The following TTBK2 variants were observed in gnomAD, a reference collection of about 807,000 sequenced individuals.
TTBK2 encodes the protein tau-tubulin kinase 2.
In TTBK2, 28 loss-of-function variants were observed where a neutral mutation model predicts 110.8. The ratio of observed to expected loss-of-function variants is 0.25; its 90% CI spans 0.19 to 0.35. The LOEUF (loss-of-function observed/expected upper bound fraction) is 0.35. Ranked by LOEUF, TTBK2 falls within the 10% of genes least tolerant of loss-of-function variation. The pLI, the probability that TTBK2 is intolerant of heterozygous loss-of-function variation, is 1.00. For missense variants in TTBK2, 1,369 were observed against 1,500.3 expected, an observed-to-expected ratio of 0.91 and a Z score of 1.45; for synonymous variants, 532 against 527.3, an observed-to-expected ratio of 1.01 and a Z score of -0.12.
At chr15:42,747,659 G>A (rs1457493220) in intron 14 of TTBK2, among the ~76,000 whole-genome samples, 2 of 152,202 alleles carry the variant, frequency 1.3e-5, no homozygotes, top group African/African-American at 2.4e-5. Flanking sequence ...GCCTCCTGCC[G>A]TGCAGCCCTG....
Position 42,775,309 on chromosome 15 carries a change from A to G in TTBK2, c.1824T>C (p.His608=). 1 of 1,614,194 alleles carries G rather than the reference A, an allele frequency of 6.2e-7. No individual in the cohort carries two copies. The highest frequency in any genetic ancestry group is 8.5e-7 in the Non-Finnish European group (1 of 1,180,044). Residue 608 remains histidine, a synonymous_variant, in exon 13 of 15, where the codon CAT becomes CAC. Transcript: ENST00000267890. ...CCACACCTGAGGTTTCCTTCTTTAA[A>G]TGATCATTTTCTGCCCAAGGACCTA... ...LQLGPWAEND[H]LKKETSGVVL... is the part of the protein sequence containing the mutation.
At chr15:42,807,485 C>T (rs774426047) in intron 9 of TTBK2, among the ~76,000 whole-genome samples, 1 of 152,120 alleles carries the variant, frequency 6.6e-6, no homozygotes, top group Non-Finnish European at 1.5e-5. Context: ...ACAATTATGG[C>T]TCACTGCAGC....
At chr15:42,901,768 G>A (rs938649530) in intron 1 of TTBK2, among the ~76,000 whole-genome samples, 2 of 151,966 alleles carry the variant, frequency 1.3e-5, no homozygotes, top group African/African-American at 4.8e-5. Flanking sequence ...AGTACATAAA[G>A]AACTCCTAAA....
intron 7 of TTBK2, 80 bp from the exon 8 acceptor site, chr15:42,811,860 G>T: frequency 2.3e-6 from 3 of 1,294,750 alleles, no homozygotes; most frequent in South Asian, 2.5e-5. Context: ...TAACCATTTT[G>T]TTTCACCTTA....
At position 42,827,952 on chromosome 15, in the gene TTBK2, G is replaced by T. The variant is rs55680965; in HGVS notation, c.513C>A (p.Thr171=). Residue 171 remains threonine, a synonymous_variant, in exon 6 of 15, where the codon ACC becomes ACA. Coordinates refer to ENST00000267890, the MANE Select transcript of TTBK2 (RefSeq NM_173500.4). ...CTGGTCTGACGTCACCACAGGAATT[G>T]GTAAATTGTCGAGCCAAGCCAAAAT... The part of the protein sequence containing the change: ...MLDFGLARQF[T]NSCGDVRPPR... 1 of 1,613,460 alleles carries T rather than the reference G, an allele frequency of 6.2e-7. No individual in the cohort carries two copies. Among genetic ancestry groups the T allele is most frequent in the South Asian group, 1.1e-5 (1 of 91,036 alleles).
In TTBK2 at chr15:42,881,927, T is replaced by C. The variant is rs907649300; in HGVS notation, c.-67-3243A>G. On this transcript the variant is annotated intron_variant, in intron 1 of 14. Coordinates refer to ENST00000267890, the MANE Select transcript of TTBK2 (RefSeq NM_173500.4). ...AATACAGTAAATGAAATTTTAAAATTTCACTGGATGGGGTCAATAGAAAAA... is the reference window on the plus strand; with the variant it reads ...AATACAGTAAATGAAATTTTAAAATCTCACTGGATGGGGTCAATAGAAAAA... Among the ~76,000 whole-genome samples the C allele has an allele frequency of 2.6e-5, 4 of 152,126 alleles. No individual in the cohort carries two copies. In the East Asian group the frequency reaches 7.7e-4, roughly 29 times the overall value.
chr15:42,830,208 AG>A (rs1892692273), intron 4 of TTBK2, 130 bp from the exon 5 acceptor site: 4 of 1,103,956 alleles, frequency 3.6e-6, no homozygotes, highest in Non-Finnish European at 5.2e-6. Flanking sequence ...TTTTTTTGAG[AG>A]GGAGTTTCAC....
chr15:42,743,922 C>G lies in TTBK2; in HGVS notation c.*1873G>C, dbSNP rs906706467. ...GAAAAGGAATTTCGCCATCTGTGAT[C>G]TCGAAATTACAAATGGAGAATGACA... On this transcript the variant is annotated 3_prime_UTR_variant, in exon 15 of 15. Transcript: ENST00000267890. The G allele has an allele frequency of 6.6e-6, 1 of 152,044 alleles. No individual in the cohort carries two copies. Among genetic ancestry groups the G allele is most frequent in the Non-Finnish European group, 1.5e-5 (1 of 68,012 alleles). The allele number at this position is 152,044 out of a possible 1,614,324, so 9.4% of individuals were successfully genotyped here.
At position 42,882,570 on chromosome 15, in the gene TTBK2, C is replaced by T. The variant is rs996203469; in HGVS notation, c.-67-3886G>A. The stretch of plus-strand genomic sequence containing the variant: ...TGGAGGTTGCAGTGAGCCAAGATTG[C>T]GCCATTGCACTCCAGCCTGGACAAC... On this transcript the variant is annotated intron_variant, in intron 1 of 14. Coordinates refer to ENST00000267890, the MANE Select transcript of TTBK2 (RefSeq NM_173500.4). Among the ~76,000 whole-genome samples, 11 of 151,896 alleles carry T rather than the reference C, an allele frequency of 7.2e-5. No homozygotes were observed. The East Asian group carries it at 1.2e-3, about 16-fold the overall frequency.
At position 42,920,643 on chromosome 15, in the gene TTBK2, G is replaced by C. The variant is rs1345954984; in HGVS notation, c.-273C>G. ...ACCGTCCGCGTTTACTGGCGGCGGC[G>C]GCGGCGGCTGCTGCTGCTGTTACTG... On this transcript the variant is annotated 5_prime_UTR_variant, in exon 1 of 15. Transcript: ENST00000267890. 3 of 157,426 alleles carry C rather than the reference G, an allele frequency of 1.9e-5. No homozygotes were observed. Among genetic ancestry groups the C allele is most frequent in the Non-Finnish European group, 4.2e-5 (3 of 71,876 alleles). The allele number at this position is 157,426 out of a possible 1,614,324, so 9.8% of individuals were successfully genotyped here.
chr15:42,862,836 C>T (rs969637899), intron 3 of TTBK2, among the ~76,000 whole-genome samples: 5 of 152,154 alleles, frequency 3.3e-5, no homozygotes, highest in African/African-American at 9.6e-5. Flanking sequence ...TGCAGTAATC[C>T]GAGATCGCAC....
chr15:42,762,576 G>A (rs2062045090), intron 13 of TTBK2, among the ~76,000 whole-genome samples: 1 of 152,154 alleles, frequency 6.6e-6, no homozygotes, highest in African/African-American at 2.4e-5. Context: ...AATTAGCCAG[G>A]CATGGTGGCA....
chr15:42,790,555 G>A (rs1890615931), intron 10 of TTBK2, among the ~76,000 whole-genome samples: 2 of 152,088 alleles, frequency 1.3e-5, no homozygotes, highest in African/African-American at 4.8e-5. Context: ...CAAAGTGCTG[G>A]AATTACAGGC....
rs2029906697 is a variant in TTBK2 at position 42,900,195 on chromosome 15, G to A, written c.-68+20243C>T. 2.6e-5 allele frequency among the ~76,000 whole-genome samples: 4 copies of A among 151,556 alleles called. No individual in the cohort carries two copies. In the South Asian group the frequency reaches 8.3e-4, roughly 32 times the overall value. On this transcript the variant is annotated intron_variant, in intron 1 of 14. Coordinates refer to ENST00000267890, the MANE Select transcript of TTBK2 (RefSeq NM_173500.4). The stretch of plus-strand genomic sequence containing the variant: ...TTTGGTCGAGACGGGGTTTCACCAT[G>A]TTGGTCAGGCTTGTCTCAAAACTCC...
chr15:42,828,131 T>C (rs1892607353), intron 5 of TTBK2, 99 bp from the exon 6 acceptor site: 2 of 882,920 alleles, frequency 2.3e-6, no homozygotes, highest in Non-Finnish European at 3.6e-6. Context: ...TTAAGCTCTA[T>C]ATAACACACA....
intron 9 of TTBK2, among the ~76,000 whole-genome samples, chr15:42,808,439 C>A (rs1475200792): frequency 6.6e-6 from 1 of 152,144 alleles, no homozygotes; most frequent in Non-Finnish European, 1.5e-5. Flanking sequence ...GCTATTTGAC[C>A]TTTGATGTAG....
Position 42,746,036 on chromosome 15 carries a change from C to T in TTBK2, c.3494G>A (p.Ser1165Asn), listed in dbSNP as rs765413012. ...CCGTCCAGCCCTAGATGGTGAGGAA[C>T]TAGACGTGCGAGGCAAGGATGAGCT... ...PRSSSLPRTSSSSPSRAGRPH... is the reference protein window; with the variant it reads ...PRSSSLPRTSNSSPSRAGRPH... The change falls in exon 15 of 15, where the codon AGT (serine) becomes AAT (asparagine). Residue 1165 changes from serine (S) to asparagine (N), a missense_variant. By Grantham distance (46) the Ser-to-Asn change is conservative. This residue lies in a region of TTBK2 where 1,097 missense variants were observed against 1,114.7 expected (regional missense o/e 0.98). Transcript: ENST00000267890. 1 of 1,614,022 alleles carries T rather than the reference C, an allele frequency of 6.2e-7. No homozygotes were observed. Among genetic ancestry groups the T allele is most frequent in the African/African-American group, 1.3e-5 (1 of 74,906 alleles).
At chr15:42,791,179 T>C (rs746454998) in intron 10 of TTBK2, among the ~76,000 whole-genome samples, 4 of 152,010 alleles carry the variant, frequency 2.6e-5, no homozygotes, top group African/African-American at 4.8e-5. Flanking sequence ...CCACGGTGCC[T>C]GGCCAATTTT....
intron 1 of TTBK2, chr15:42,908,295 A>G (rs2030532549): frequency 6.6e-6 from 1 of 152,190 alleles, no homozygotes; most frequent in South Asian, 2.1e-4. Flanking sequence ...AGGTAACATA[A>G]GATGCCGTCC....
Sources: gnomAD v4.1 joint callset for allele counts (sites outside exome capture counted in the v4.1 genomes callset) on GRCh38, gnomAD v4.1.1 for gene constraint, gnomAD v4.1.1 regional missense constraint, MANE v1.5 for transcripts, NCBI Gene and HGNC (gene_info 2026-07-23, HGNC 2026-07-21) for gene names.